ATP11B: variants seen among roughly 807,000 people sequenced by gnomAD.
ATP11B encodes the protein phospholipid-transporting ATPase IF.
In ATP11B, 81 loss-of-function variants were observed where a neutral mutation model predicts 157.8. The observed-to-expected ratio is 0.51, with a 90% CI of 0.43 to 0.62. The LOEUF (loss-of-function observed/expected upper bound fraction) is 0.62. Among genes scored for constraint, ATP11B ranks in the 20% least tolerant of loss-of-function variants. The probability of loss-of-function intolerance (pLI) is 0.00; values close to 1 mark genes in which losing one functional copy is unlikely to be tolerated. For synonymous variants in ATP11B, 451 were observed against 469.4 expected (o/e 0.96, Z 0.51); for missense variants, 1,165 against 1,402.2 (o/e 0.83, Z 2.70).
At chr3:182,865,166 A>G (rs1721136045) in intron 12 of ATP11B, among the ~76,000 whole-genome samples, 1 of 152,216 alleles carries the variant, frequency 6.6e-6, no homozygotes, top group South Asian at 2.1e-4. Context: ...CAAGAAAAAG[A>G]AAAGAAGCAT....
intron 6 of ATP11B, 180 bp downstream of exon 6, chr3:182,836,650 G>A: frequency 1.5e-6 from 1 of 678,436 alleles, no homozygotes; most frequent in Non-Finnish European, 2.3e-6. Flanking sequence ...TATTTCAAGG[G>A]TAGCCTCACA....
Position 182,820,301 on chromosome 3 carries a change from C to T in ATP11B, c.69C>T (p.Tyr23=), listed in dbSNP as rs150296662. ...ATCAGAGTGACACAAGAACCATCTA[C>T]GTAGCCAACAGGTTTCCTCAGAATG... The part of the protein sequence containing the change: ...PPHQSDTRTI[Y]VANRFPQNGL... Residue 23 remains tyrosine (Y), a synonymous_variant, in exon 2 of 30, where the codon TAC becomes TAT. Transcript: ENST00000323116. The T allele has an allele frequency of 6.1e-5, 99 of 1,614,112 alleles. No homozygotes were observed. The Middle Eastern group carries it at 8.2e-4, about 13-fold the overall frequency.
chr3:182,886,054 G>A, intron 23 of ATP11B, 44 bp downstream of exon 23: 1 of 1,274,508 alleles, frequency 7.8e-7, no homozygotes, highest in Non-Finnish European at 1.1e-6. Flanking sequence ...TCCTTTTAGA[G>A]TAACGTATGT....
intron 21 of ATP11B, 62 bp downstream of exon 21, chr3:182,881,043 GT>G: frequency 7.8e-7 from 1 of 1,287,024 alleles, no homozygotes; most frequent in Non-Finnish European, 1.1e-6. Context: ...TTATTTGGTG[GT>G]TTTTAATTTT....
chr3:182,794,867 A>G (rs1022117737), intron 1 of ATP11B, among the ~76,000 whole-genome samples: 4 of 152,184 alleles, frequency 2.6e-5, no homozygotes, highest in African/African-American at 9.7e-5. Flanking sequence ...TACTAATTCT[A>G]AAGGCAGTGG....
At chr3:182,825,850 A>G (rs924342972) in intron 2 of ATP11B, among the ~76,000 whole-genome samples, 1 of 152,176 alleles carries the variant, frequency 6.6e-6, no homozygotes, top group Non-Finnish European at 1.5e-5. Context: ...CAGTGGGCCA[A>G]GATTGCGCCA....
chr3:182,867,350 C>T, intron 14 of ATP11B, 26 bp from the exon 15 acceptor site: 1 of 1,434,202 alleles, frequency 7.0e-7, no homozygotes, highest in Non-Finnish European at 9.8e-7. Context: ...TCTTAAGTCT[C>T]ACTTTTTTAT....
At chr3:182,815,652 TTTTG>T (rs1278009968) in intron 1 of ATP11B, among the ~76,000 whole-genome samples, 1 of 152,208 alleles carries the variant, frequency 6.6e-6, no homozygotes, top group Non-Finnish European at 1.5e-5. Flanking sequence ...TTTTGAGGTC[TTTTG>T]TTTGTTTTGA....
At chr3:182,845,145 C>T (rs1719405957) in intron 8 of ATP11B, among the ~76,000 whole-genome samples, 2 of 152,234 alleles carry the variant, frequency 1.3e-5, no homozygotes, top group African/African-American at 2.4e-5. Flanking sequence ...GCTGGGACTA[C>T]AGGCGCATGC....
intron 4 of ATP11B, among the ~76,000 whole-genome samples, chr3:182,830,876 A>G (rs565374460): frequency 2.6e-5 from 4 of 152,306 alleles, no homozygotes; most frequent in East Asian, 1.9e-4. Context: ...ATATGCATTT[A>G]AATCACTCCA....
chr3:182,806,720 C>G (rs1716350345), intron 1 of ATP11B, among the ~76,000 whole-genome samples: 1 of 152,016 alleles, frequency 6.6e-6, no homozygotes, highest in South Asian at 2.1e-4. Flanking sequence ...GCATATGTGC[C>G]TGATTTGTTT....
At chr3:182,819,468 A>G (rs1717188936) in intron 1 of ATP11B, among the ~76,000 whole-genome samples, 1 of 152,194 alleles carries the variant, frequency 6.6e-6, no homozygotes, top group Non-Finnish European at 1.5e-5. Flanking sequence ...ACAGTCCTCT[A>G]AGAATAAAGT....
intron 10 of ATP11B, among the ~76,000 whole-genome samples, chr3:182,853,581 C>A (rs1361919180): frequency 6.6e-6 from 1 of 151,800 alleles, no homozygotes; most frequent in Non-Finnish European, 1.5e-5. Context: ...TATCAAAAAG[C>A]GTAATATATT....
chr3:182,919,563 A>AT lies in ATP11B; in HGVS notation c.*1461dup, dbSNP rs1725337934. 6.6e-6 allele frequency: 1 copy of AT among 152,400 alleles called. No homozygotes were observed. The highest frequency in any genetic ancestry group is 2.4e-5 in the African/African-American group (1 of 41,460). The allele number at this position is 152,400 out of a possible 1,614,324, so 9.4% of individuals were successfully genotyped here. On this transcript the variant is annotated 3_prime_UTR_variant, in exon 30 of 30. Transcript: ENST00000323116. Reference sequence around the variant, plus strand: ...CTAAGCAAATAATGATTGTATACATATTAAGATAATGGTTAAATGCGGTTT... The same window carrying AT: ...CTAAGCAAATAATGATTGTATACATATTTAAGATAATGGTTAAATGCGGTTT...
chr3:182,880,863 T>A lies in ATP11B; in HGVS notation c.2407-16T>A. On this transcript the variant is annotated splice_polypyrimidine_tract_variant and intron_variant, in intron 20 of 29. Transcript: ENST00000323116. The stretch of plus-strand genomic sequence containing the variant: ...TGAACTTGCGTCATAAATAACCAAT[T>A]CATTATGTCTTTCAGGTAATAAGAC... The A allele has an allele frequency of 1.3e-6, 2 of 1,516,158 alleles. No individual in the cohort carries two copies. The highest frequency in any genetic ancestry group is 8.9e-7 in the Non-Finnish European group (1 of 1,123,226). The allele number at this position is 1,516,158 out of a possible 1,614,324, so 93.9% of individuals were successfully genotyped here.
chr3:182,812,843 A>G (rs1018242159), intron 1 of ATP11B, among the ~76,000 whole-genome samples: 41 of 152,178 alleles, frequency 2.7e-4, no homozygotes, highest in African/African-American at 9.9e-4. Flanking sequence ...TTATCTTCCC[A>G]GCCTGAAACT....
chr3:182,815,604 T>C (rs996132340), intron 1 of ATP11B, among the ~76,000 whole-genome samples: 2 of 152,208 alleles, frequency 1.3e-5, no homozygotes, highest in African/African-American at 4.8e-5. Context: ...AATAACCTAA[T>C]ACAGTTTTGA....
intron 29 of ATP11B, 115 bp downstream of exon 29, chr3:182,914,109 G>C (rs1165868772): frequency 6.5e-7 from 1 of 1,529,920 alleles, no homozygotes; most frequent in African/African-American, 1.4e-5. Context: ...AACTGAAGCA[G>C]GAAGTCTGCT....
intron 4 of ATP11B, 144 bp downstream of exon 4, chr3:182,829,896 T>C: frequency 7.0e-7 from 1 of 1,433,762 alleles, no homozygotes; most frequent in Non-Finnish European, 9.1e-7. Context: ...AAAATTAAAC[T>C]GAATTAGCCA....
Sources: gnomAD v4.1 joint callset for allele counts (sites outside exome capture counted in the v4.1 genomes callset) on GRCh38, gnomAD v4.1.1 for gene constraint, MANE v1.5 for transcripts, NCBI Gene and HGNC (gene_info 2026-07-23, HGNC 2026-07-21) for gene names.